The following SVOPL variants were observed in gnomAD, a reference collection of about 807,000 sequenced individuals.
SVOPL encodes SVOP like.
SVOPL carries 60 observed loss-of-function variants against 61.0 expected under a neutral mutation model. That is an observed-to-expected ratio of 0.98 (90% confidence interval 0.80 to 1.22). The LOEUF (loss-of-function observed/expected upper bound fraction) is 1.22. Ranked by LOEUF, SVOPL falls within the 50% of genes most tolerant of loss-of-function variation. The pLI, the probability that SVOPL is intolerant of heterozygous loss-of-function variation, is 0.00. For synonymous variants in SVOPL, 279 were observed against 250.0 expected (o/e 1.12, Z -1.09); for missense variants, 662 against 643.9 (o/e 1.03, Z -0.30).
intron 14 of SVOPL, chr7:138,597,218 A>G (rs1057278753): frequency 1.6e-6 from 2 of 1,289,382 alleles, no homozygotes; most frequent in African/African-American, 3.0e-5. Flanking sequence ...ACGACAGTAA[A>G]GTATGAAGTG....
chr7:138,627,401 G>T lies in SVOPL; in HGVS notation c.1130C>A (p.Thr377Asn), dbSNP rs1215780201. The stretch of plus-strand genomic sequence containing the variant: ...GAAGAATAAAGCCGTGCATCCCATG[G>T]TAATAGAAAGGCTCAGCCGTCTTCC... ...FLGRRLSLSITMGCTALFFLL... is the reference protein window; with the variant it reads ...FLGRRLSLSINMGCTALFFLL... The change falls in exon 12 of 16, where the codon ACC (threonine) becomes AAC (asparagine). Residue 377 changes from threonine to asparagine, a missense_variant. Coordinates refer to ENST00000674285, the MANE Select transcript of SVOPL (RefSeq NM_001139456.2). The T allele has an allele frequency of 6.2e-7, 1 of 1,613,784 alleles. No individual in the cohort carries two copies. The highest frequency in any genetic ancestry group is 1.7e-5 in the Admixed American group (1 of 60,016).
At chr7:138,631,992 A>ACACACACACACACACACACACACACC (rs1224217933) in intron 9 of SVOPL, among the ~76,000 whole-genome samples, 1 of 150,500 alleles carries the variant, frequency 6.6e-6, no homozygotes, top group East Asian at 2.0e-4. Context: ...ACATACACAC[A>ACACACACACACACACACACACACACC]CCCCTACACC....
Position 138,659,828 on chromosome 7 carries a change from G to A in SVOPL, c.470+36C>T, listed in dbSNP as rs144588401. The A allele has an allele frequency of 7.8e-6, 12 of 1,546,930 alleles. No individual in the cohort carries two copies. In the East Asian group the frequency reaches 1.2e-4, roughly 16 times the overall value. ...TGCATCAGGGCCTGCAGGGGTACAC[G>A]TTTCTGTCTCAGGGTCCCCTGGGTA... On this transcript the variant is annotated intron_variant, in intron 6 of 15. Coordinates refer to ENST00000674285, the MANE Select transcript of SVOPL (RefSeq NM_001139456.2).
chr7:138,657,319 C>T (rs1358782552), intron 6 of SVOPL, among the ~76,000 whole-genome samples: 2 of 152,010 alleles, frequency 1.3e-5, no homozygotes, highest in Admixed American at 6.6e-5. Context: ...CCACACCCAG[C>T]TAATTTTTAA....
At chr7:138,595,540 G>A (rs1798243951) in intron 15 of SVOPL, among the ~76,000 whole-genome samples, 1 of 152,130 alleles carries the variant, frequency 6.6e-6, no homozygotes, top group African/African-American at 2.4e-5. Context: ...TGGTGAGTCA[G>A]GTTTCCATTT....
intron 13 of SVOPL, among the ~76,000 whole-genome samples, chr7:138,621,890 CTATCTATCTATCTATG>C (rs71179705): frequency 5.4e-5 from 3 of 55,364 alleles, no homozygotes; most frequent in Admixed American, 1.8e-4. Context: ...ATCTATCTAT[CTATCTATCTATCTATG>C]TATCTATCTA....
chr7:138,659,792 C>T lies in SVOPL; in HGVS notation c.470+72G>A, dbSNP rs139674188. On this transcript the variant is annotated intron_variant, in intron 6 of 15. Coordinates refer to ENST00000674285, the MANE Select transcript of SVOPL (RefSeq NM_001139456.2). ...TTCACAATGCTTTTGGTCTATTAAG[C>T]GCAGTGTGTGTGCATCAGGGCCTGC... is the stretch of plus-strand genomic sequence containing the variant. The T allele has an allele frequency of 3.3e-3, 4,664 of 1,411,358 alleles. 18 individuals are homozygous for T. Among genetic ancestry groups the T allele is most frequent in the Admixed American group, 5.1e-3 (251 of 49,030 alleles). The allele number at this position is 1,411,358 out of a possible 1,614,324, so 87.4% of individuals were successfully genotyped here. A position where few individuals can be genotyped will look rare whatever the true frequency, so the allele number is the denominator to read the frequency against.
intron 1 of SVOPL, among the ~76,000 whole-genome samples, chr7:138,693,426 C>T (rs1802986650): frequency 6.7e-6 from 1 of 149,494 alleles, no homozygotes; most frequent in South Asian, 2.1e-4. Flanking sequence ...TCACTTGAGC[C>T]TAGGAGTTCC....
At chr7:138,675,620 T>G (rs1563134595) in intron 3 of SVOPL, among the ~76,000 whole-genome samples, 1 of 152,072 alleles carries the variant, frequency 6.6e-6, no homozygotes, top group Non-Finnish European at 1.5e-5. Context: ...CCTCCCAAAG[T>G]GCTGGGATTA....
chr7:138,605,534 C>T (rs1050942517), intron 14 of SVOPL, among the ~76,000 whole-genome samples: 3 of 150,870 alleles, frequency 2.0e-5, no homozygotes, highest in East Asian at 2.0e-4. Context: ...TGGTGGCAGG[C>T]GCCTATAATC....
chr7:138,629,985 A>T, intron 10 of SVOPL, 64 bp downstream of exon 10: 1 of 1,351,714 alleles, frequency 7.4e-7, no homozygotes, highest in Non-Finnish European at 1.1e-6. Context: ...ACATAGATTT[A>T]CTTAAATAGG....
chr7:138,664,103 C>T (rs1314693464), intron 4 of SVOPL: 4 of 631,380 alleles, frequency 6.3e-6, no homozygotes, highest in Non-Finnish European at 7.9e-6. Flanking sequence ...TGTCCGCTCG[C>T]TGGGGCTCCA....
intron 7 of SVOPL, among the ~76,000 whole-genome samples, chr7:138,650,390 G>A (rs1050441045): frequency 1.3e-5 from 2 of 152,022 alleles, no homozygotes; most frequent in African/African-American, 2.4e-5. Flanking sequence ...ACAGAAATAA[G>A]AGGCTTAAGG....
chr7:138,658,546 A>G (rs1412697189), intron 6 of SVOPL, among the ~76,000 whole-genome samples: 1 of 152,148 alleles, frequency 6.6e-6, no homozygotes, highest in Non-Finnish European at 1.5e-5. Context: ...CAAAGTGCTC[A>G]GATTACAGAT....
rs183669563 is a variant in SVOPL at position 138,616,528 on chromosome 7, G to A, written c.1353+4518C>T. Among the ~76,000 whole-genome samples, 845 of 152,150 alleles carry A rather than the reference G, an allele frequency of 5.6e-3. 11 individuals carry two copies. The highest frequency in any genetic ancestry group is 0.019 in the African/African-American group (798 of 41,494). On this transcript the variant is annotated intron_variant, in intron 14 of 15. Transcript: ENST00000674285. ...ATTTTATATTTTTAGTAGAGACAGG[G>A]TTTCTCCATGTTGGTCAGGCTGGTC...
At chr7:138,662,327 C>G (rs1802035504) in intron 5 of SVOPL, 2 of 985,330 alleles carry the variant, frequency 2.0e-6, no homozygotes, top group Non-Finnish European at 2.4e-6. Flanking sequence ...TTGGACTTCT[C>G]TTTTCATTTG....
At chr7:138,682,142 T>A (rs887110389) in intron 1 of SVOPL, among the ~76,000 whole-genome samples, 6 of 152,132 alleles carry the variant, frequency 3.9e-5, no homozygotes, top group African/African-American at 1.4e-4. Flanking sequence ...GAGAAAAGGA[T>A]GGAATTAAAT....
At chr7:138,618,636 G>C (rs929290218) in intron 14 of SVOPL, among the ~76,000 whole-genome samples, 6 of 152,076 alleles carry the variant, frequency 3.9e-5, no homozygotes, top group African/African-American at 1.4e-4. Flanking sequence ...ACTCCAGCCT[G>C]GGTGACAGAG....
chr7:138,675,653 G>C (rs111688105), intron 3 of SVOPL, among the ~76,000 whole-genome samples: 1 of 151,998 alleles, frequency 6.6e-6, no homozygotes, highest in Non-Finnish European at 1.5e-5. Flanking sequence ...ACCATGCCCC[G>C]CCCACACAAC....
Sources: allele counts gnomAD v4.1 joint callset (sites outside exome capture counted in the v4.1 genomes callset), GRCh38; gene constraint gnomAD v4.1.1; transcripts MANE v1.5; gene names NCBI Gene and HGNC (gene_info 2026-07-23, HGNC 2026-07-21).